The following FLT1 variants were observed in gnomAD, a reference collection of about 807,000 sequenced individuals.
FLT1 encodes the protein vascular endothelial growth factor receptor 1.
Under a neutral mutation model 156.3 loss-of-function variants are expected in FLT1, and 49 were observed. The ratio of observed to expected loss-of-function variants is 0.31; its 90% CI spans 0.25 to 0.40. The LOEUF (loss-of-function observed/expected upper bound fraction) is 0.40, where lower values mean the gene tolerates loss of function less well. Among genes scored for constraint, FLT1 ranks in the 10% least tolerant of loss-of-function variants. The pLI is 1.00. For missense variants in FLT1, 1,322 were observed against 1,637.2 expected (o/e 0.81, Z 3.32); for synonymous variants, 594 against 583.8 (o/e 1.02, Z -0.25).
intron 12 of FLT1, among the ~76,000 whole-genome samples, chr13:28,391,618 T>A (rs113275743): frequency 1.6e-4 from 24 of 152,244 alleles, no homozygotes; most frequent in Non-Finnish European, 3.2e-4. Flanking sequence ...GCACATGTTG[T>A]CAGGACCTCC....
At position 28,317,550 on chromosome 13, in the gene FLT1, G is replaced by A. The variant is rs1441660026; in HGVS notation, c.3334C>T (p.Arg1112Cys). The A allele has an allele frequency of 2.5e-6, 4 of 1,613,954 alleles. No individual in the cohort carries two copies. The highest frequency in any genetic ancestry group is 1.3e-5 in the African/African-American group (1 of 75,032). The change falls in exon 25 of 30, where the codon CGC becomes TGC. Residue 1112 changes from arginine to cysteine, a missense_variant. By Grantham distance (180) the Arg-to-Cys change is radical. Around this residue, in one of 3 missense-constraint regions of FLT1, gnomAD observed 329 missense variants for 366.2 expected, o/e 0.90. Coordinates refer to ENST00000282397, the MANE Select transcript of FLT1 (RefSeq NM_002019.4). ...GVQMDEDFCS[R>C]LREGMRMRAP... The stretch of plus-strand genomic sequence containing the variant: ...CTCATCCTCATGCCTTCCCTCAGGC[G>A]ACTGCAAAAGTCCTCATCCATTTGT...
chr13:28,457,978 A>C (rs1171744422), intron 3 of FLT1, among the ~76,000 whole-genome samples: 1 of 123,356 alleles, frequency 8.1e-6, no homozygotes, highest in African/African-American at 3.3e-5. Flanking sequence ...TCTATCGCCC[A>C]GGCTGGAGTG....
At position 28,302,753 on chromosome 13, in the gene FLT1, G is replaced by A; in HGVS notation, c.*414C>T. 1 of 254,342 alleles carries A rather than the reference G, an allele frequency of 3.9e-6. No homozygotes were observed. The highest frequency in any genetic ancestry group is 7.6e-6 in the Non-Finnish European group (1 of 131,242). The allele number at this position is 254,342 out of a possible 1,614,324, so 15.8% of individuals were successfully genotyped here. A position where few individuals can be genotyped will look rare whatever the true frequency, so the allele number is the denominator to read the frequency against. On this transcript the variant is annotated 3_prime_UTR_variant, in exon 30 of 30. Transcript: ENST00000282397. ...CCCGAGATGTTGCTCAGGCCAGCCA[G>A]TGATCCCTGGGGCTAACGGGCTTGT...
intron 15 of FLT1, among the ~76,000 whole-genome samples, chr13:28,354,302 C>A (rs892451188): frequency 2.6e-5 from 4 of 152,158 alleles, no homozygotes; most frequent in Admixed American, 2.6e-4. Flanking sequence ...TTCTAAGGTC[C>A]ACATACTATT....
At chr13:28,375,816 C>T (rs1445743347) in intron 14 of FLT1, among the ~76,000 whole-genome samples, 1 of 152,200 alleles carries the variant, frequency 6.6e-6, no homozygotes, top group Non-Finnish European at 1.5e-5. Context: ...CTGCGCACAC[C>T]CTGGATATCT....
chr13:28,319,646 G>A lies in FLT1; in HGVS notation c.3175-112C>T, dbSNP rs563826704. 3.2e-4 allele frequency: 223 copies of A among 706,058 alleles called. 3 individuals are homozygous for A. The Middle Eastern group carries it at 8.6e-3, about 27-fold the overall frequency. 43.7% of individuals were successfully genotyped at this position (706,058 alleles called of 1,614,324 possible). ...AACATACGGCCTATAAATCATTTCC[G>A]AGAGCAGCTCTGGTTTCCTAACATA... On this transcript the variant is annotated intron_variant, in intron 23 of 29. Coordinates refer to ENST00000282397, the MANE Select transcript of FLT1 (RefSeq NM_002019.4).
chr13:28,302,998 T>C lies in FLT1; in HGVS notation c.*169A>G. The C allele has an allele frequency of 1.6e-6, 1 of 610,150 alleles. No individual in the cohort carries two copies. Among genetic ancestry groups the C allele is most frequent in the Admixed American group, 2.9e-5 (1 of 34,224 alleles). 37.8% of individuals were successfully genotyped at this position (610,150 alleles called of 1,614,324 possible). ...CACTATTTCTCTATCTGGAGTTACA[T>C]TCTTGTTAGTCAAAAAAAAAAAAGC... is the stretch of plus-strand genomic sequence containing the variant. On this transcript the variant is annotated 3_prime_UTR_variant, in exon 30 of 30. Transcript: ENST00000282397.
chr13:28,385,896 G>A, intron 13 of FLT1: 2 of 1,048,848 alleles, frequency 1.9e-6, no homozygotes, highest in Non-Finnish European at 2.3e-6. Flanking sequence ...TCCTGCTGAT[G>A]TGTATACATT....
At chr13:28,318,139 T>TA (rs1228543579) in intron 24 of FLT1, among the ~76,000 whole-genome samples, 13 of 152,264 alleles carry the variant, frequency 8.5e-5, no homozygotes, top group African/African-American at 2.4e-4. Flanking sequence ...GGCTTCTTTT[T>TA]AAAAAGCCAA....
intron 14 of FLT1, 36 bp downstream of exon 14, chr13:28,384,849 G>A (rs2137449182): frequency 1.2e-6 from 2 of 1,602,690 alleles, no homozygotes; most frequent in Non-Finnish European, 1.7e-6. Context: ...GATGAAAGAT[G>A]AGAAATAATA....
chr13:28,389,107 C>A (rs908074363), intron 13 of FLT1: 9 of 1,063,322 alleles, frequency 8.5e-6, no homozygotes, highest in African/African-American at 6.6e-5. Context: ...CCCTGGGGCC[C>A]ATTTTAGAAG....
intron 29 of FLT1, among the ~76,000 whole-genome samples, chr13:28,305,077 CTG>C (rs879092041): frequency 6.6e-6 from 1 of 152,174 alleles, no homozygotes; most frequent in Admixed American, 6.5e-5. Context: ...CTCGGGATAA[CTG>C]TTTAACCTTA....
intron 29 of FLT1, among the ~76,000 whole-genome samples, chr13:28,305,728 G>A (rs1224366421): frequency 6.6e-6 from 1 of 152,210 alleles, no homozygotes; most frequent in Non-Finnish European, 1.5e-5. Flanking sequence ...GGCTTTGAGT[G>A]CAGCCCAACA....
At chr13:28,469,113 G>A (rs1245284609) in intron 1 of FLT1, among the ~76,000 whole-genome samples, 4 of 152,196 alleles carry the variant, frequency 2.6e-5, no homozygotes, top group African/African-American at 4.8e-5. Flanking sequence ...CCGAAAGGCA[G>A]GGAATGAGGG....
At chr13:28,484,900 CTGAG>C (rs1480840576) in intron 1 of FLT1, among the ~76,000 whole-genome samples, 1 of 130,946 alleles carries the variant, frequency 7.6e-6, no homozygotes, top group Non-Finnish European at 1.5e-5. Context: ...CCTCTCGGGA[CTGAG>C]TAAAATAATA....
chr13:28,319,717 G>A (rs1009131015), intron 23 of FLT1, among the ~76,000 whole-genome samples, 183 bp from the exon 24 acceptor site: 9 of 152,174 alleles, frequency 5.9e-5, no homozygotes, highest in African/African-American at 2.2e-4. Flanking sequence ...GGGAGCTAGA[G>A]TGCTATACTG....
At chr13:28,426,833 A>T (rs1009097420) in intron 10 of FLT1, among the ~76,000 whole-genome samples, 1 of 152,224 alleles carries the variant, frequency 6.6e-6, no homozygotes. Flanking sequence ...GTATTGCCAA[A>T]GTCTAGGGAT....
At chr13:28,399,388 G>T (rs1042462213) in intron 11 of FLT1, among the ~76,000 whole-genome samples, 1 of 152,130 alleles carries the variant, frequency 6.6e-6, no homozygotes. Context: ...GTTGGCTTGG[G>T]AGTGTTTGAA....
intron 14 of FLT1, among the ~76,000 whole-genome samples, chr13:28,367,373 C>T (rs1236754884): frequency 6.6e-6 from 1 of 152,156 alleles, no homozygotes; most frequent in Non-Finnish European, 1.5e-5. Context: ...ATTTGAATTA[C>T]TTATTATGTT....
Sources: gnomAD v4.1 joint callset for allele counts (sites outside exome capture counted in the v4.1 genomes callset) on GRCh38, gnomAD v4.1.1 for gene constraint, gnomAD v4.1.1 regional missense constraint, MANE v1.5 for transcripts, NCBI Gene and HGNC (gene_info 2026-07-23, HGNC 2026-07-21) for gene names.